The following WNT7B variants were observed in gnomAD, a reference collection of about 807,000 sequenced individuals.
WNT7B encodes the protein Wnt family member 7B.
Under a neutral mutation model 38.2 loss-of-function variants are expected in WNT7B, and 19 were observed. The ratio of observed to expected loss-of-function variants is 0.50; its 90% confidence interval spans 0.35 to 0.73. WNT7B has a LOEUF of 0.73. WNT7B is among the 30% of genes least tolerant of loss of function. WNT7B has a pLI of 0.01. For missense variants in WNT7B, 423 were observed against 507.9 expected (o/e 0.83, Z 1.61); for synonymous variants, 243 against 209.3 (o/e 1.16, Z -1.39).
rs1217147296 is a variant in WNT7B, at chr22:45,976,023, G to A, written c.71+661C>T. The A allele has an allele frequency of 6.8e-6, 1 of 146,052 alleles. No individual in the cohort carries two copies. The highest frequency in any genetic ancestry group is 1.5e-5 in the Non-Finnish European group (1 of 65,738). The allele number at this position is 146,052 out of a possible 1,614,324, so 9.0% of individuals were successfully genotyped here. A position where few individuals can be genotyped will look rare whatever the true frequency, so the allele number is the denominator to read the frequency against. ...GCGCCCGCCCGCCGGGCCGCGCCAG[G>A]GGGAGCGCGGCGAGAGGGGGCCGGG... On this transcript the variant is annotated intron_variant, in intron 1 of 3. Coordinates refer to ENST00000339464, the MANE Select transcript of WNT7B (RefSeq NM_058238.3). This position sits in a 1 kb window ranked among gnomAD's most constrained non-coding sequence, Gnocchi z 8.5.
chr22:45,965,803 C>T lies in WNT7B; in HGVS notation c.71+10881G>A, dbSNP rs1932298875. On this transcript the variant is annotated intron_variant, in intron 1 of 3. Coordinates refer to ENST00000339464, the MANE Select transcript of WNT7B (RefSeq NM_058238.3). The surrounding 1 kb of genome is among the most constrained non-coding windows in gnomAD (Gnocchi z 6.5). ...CAACCTTGAGACCCTCGCTCAGGGC[C>T]CCGGGGACTCTTGGTCAACACACAG... Among the ~76,000 whole-genome samples, 1 of 152,196 alleles carries T rather than the reference C, an allele frequency of 6.6e-6. No homozygotes were observed. Among genetic ancestry groups the T allele is most frequent in the Non-Finnish European group, 1.5e-5 (1 of 68,030 alleles).
chr22:45,947,926 T>G (rs1931834841), intron 2 of WNT7B, among the ~76,000 whole-genome samples: 1 of 152,196 alleles, frequency 6.6e-6, no homozygotes, highest in South Asian at 2.1e-4. Context: ...CCACACAGCC[T>G]GATCCCCAGG....
chr22:45,924,928 C>T (rs541942864), intron 3 of WNT7B, among the ~76,000 whole-genome samples: 1 of 131,624 alleles, frequency 7.6e-6, no homozygotes, highest in African/African-American at 3.0e-5. Flanking sequence ...CAGGTGGGTG[C>T]TGGGTGGGCC....
At chr22:45,960,451 T>G (rs1932170580) in intron 1 of WNT7B, among the ~76,000 whole-genome samples, 1 of 130,008 alleles carries the variant, frequency 7.7e-6, no homozygotes, top group East Asian at 2.7e-4. Flanking sequence ...TACGCTCACC[T>G]TGGTCATGAG....
rs556100231 is a variant in WNT7B, at chr22:45,971,806, C to T, written c.71+4878G>A. On this transcript the variant is annotated intron_variant, in intron 1 of 3. Transcript: ENST00000339464. Reference sequence around the variant, plus strand: ...ATATGGGGAGGGGTCCCCCGCTGGTCCAGGACTCTGCTGGGACGCGCAGGG... The same window carrying T: ...ATATGGGGAGGGGTCCCCCGCTGGTTCAGGACTCTGCTGGGACGCGCAGGG... Among the ~76,000 whole-genome samples the T allele has an allele frequency of 3.5e-3, 530 of 152,336 alleles. 6 individuals carry two copies. The highest frequency in any genetic ancestry group is 0.012 in the African/African-American group (504 of 41,580).
In WNT7B at chr22:45,976,491, C is replaced by T; in HGVS notation, c.71+193G>A. Among the ~76,000 whole-genome samples the T allele has an allele frequency of 6.6e-6, 1 of 151,876 alleles. No individual in the cohort carries two copies. Among genetic ancestry groups the T allele is most frequent in the East Asian group, 2.0e-4 (1 of 5,100 alleles). ...TCTCCTCCCGCGCTGGGCTCGGCGCCTCTCGGGAGCTCAGGGGGTTGGGCT... is the reference window on the plus strand; with the variant it reads ...TCTCCTCCCGCGCTGGGCTCGGCGCTTCTCGGGAGCTCAGGGGGTTGGGCT... On this transcript the variant is annotated intron_variant, in intron 1 of 3. Transcript: ENST00000339464. The surrounding 1 kb of genome is among the most constrained non-coding windows in gnomAD (Gnocchi z 8.5).
chr22:45,970,238 C>T (rs1298712711), intron 1 of WNT7B, among the ~76,000 whole-genome samples: 6 of 152,222 alleles, frequency 3.9e-5, no homozygotes, highest in African/African-American at 1.4e-4. Context: ...AGTCTGCCTT[C>T]CTGTCCCCGA....
intron 1 of WNT7B, chr22:45,972,244 C>T (rs1932462206): frequency 3.1e-6 from 2 of 641,030 alleles, no homozygotes; most frequent in African/African-American, 1.9e-5. Flanking sequence ...GCATGGTGGG[C>T]CGGCGTGCCT....
intron 1 of WNT7B, among the ~76,000 whole-genome samples, chr22:45,955,741 C>A (rs1169094912): frequency 6.6e-6 from 1 of 152,190 alleles, no homozygotes; most frequent in Non-Finnish European, 1.5e-5. Context: ...TTTCCTTACC[C>A]CAGCCTGGGC....
At chr22:45,925,215 G>A in intron 3 of WNT7B, 6 of 984,010 alleles carry the variant, frequency 6.1e-6, no homozygotes, top group Non-Finnish European at 7.2e-6. Context: ...GTGCCGGGTG[G>A]GCGCAAAGTC....
At chr22:45,953,600 AAAG>A in intron 1 of WNT7B, among the ~76,000 whole-genome samples, 1 of 152,228 alleles carries the variant, frequency 6.6e-6, no homozygotes, top group East Asian at 1.9e-4. Context: ...ACATTTCTAC[AAAG>A]AAGATATACG....
chr22:45,963,707 C>T (rs537659432), intron 1 of WNT7B, among the ~76,000 whole-genome samples: 38 of 152,260 alleles, frequency 2.5e-4, no homozygotes, highest in African/African-American at 8.4e-4. Flanking sequence ...GAATCTCCAC[C>T]GTGGAAGGCG....
At chr22:45,941,677 A>C (rs1931652001) in intron 2 of WNT7B, among the ~76,000 whole-genome samples, 1 of 152,054 alleles carries the variant, frequency 6.6e-6, no homozygotes, top group African/African-American at 2.4e-5. Flanking sequence ...GAGAGAGGCG[A>C]GGGGCAGGTG....
intron 2 of WNT7B, among the ~76,000 whole-genome samples, chr22:45,944,254 G>C (rs761150548): frequency 6.6e-6 from 1 of 152,216 alleles, no homozygotes; most frequent in South Asian, 2.1e-4. Flanking sequence ...GTTCCAGGTG[G>C]CCTCGGAGGG....
chr22:45,954,802 G>C (rs765910400), intron 1 of WNT7B: 1 of 981,922 alleles, frequency 1.0e-6, no homozygotes. Flanking sequence ...CATTCTGAGG[G>C]TTAACTCTGG....
At chr22:45,945,004 G>A (rs760739104) in intron 2 of WNT7B, among the ~76,000 whole-genome samples, 2 of 152,234 alleles carry the variant, frequency 1.3e-5, no homozygotes, top group Non-Finnish European at 2.9e-5. Context: ...ACCGCTCAAC[G>A]GAAGGTTCAG....
chr22:45,928,867 G>T (rs572439727), intron 3 of WNT7B, among the ~76,000 whole-genome samples: 35,072 of 152,032 alleles, frequency 0.23, 4,265 homozygotes, highest in Admixed American at 0.34. Context: ...CGCATACCAC[G>T]ACATACCACG....
intron 2 of WNT7B, among the ~76,000 whole-genome samples, chr22:45,942,503 G>A (rs1227859256): frequency 6.6e-6 from 1 of 152,242 alleles, no homozygotes; most frequent in Admixed American, 6.5e-5. Context: ...GCCACGGCTT[G>A]GCCCCAATCC....
intron 3 of WNT7B, 108 bp from the exon 4 acceptor site, chr22:45,923,443 G>C: frequency 6.9e-7 from 1 of 1,453,128 alleles, no homozygotes. Context: ...CCTCCCCTTG[G>C]GCTGTGTGAC....
Sources: gnomAD v4.1 joint callset for allele counts (sites outside exome capture counted in the v4.1 genomes callset) on GRCh38, gnomAD v4.1.1 for gene constraint, Gnocchi (gnomAD v3.1) non-coding constraint, MANE v1.5 for transcripts, NCBI Gene and HGNC (gene_info 2026-07-23, HGNC 2026-07-21) for gene names.